The following MICAL2 variants were observed in gnomAD, a reference collection of about 807,000 sequenced individuals.
The protein encoded by MICAL2 is [F-actin]-monooxygenase MICAL2.
Under a neutral mutation model 127.3 loss-of-function variants are expected in MICAL2, and 77 were observed. The observed-to-expected ratio is 0.60, with a 90% CI of 0.50 to 0.73. MICAL2 has a LOEUF of 0.73. Among genes scored for constraint, MICAL2 ranks in the 30% least tolerant of loss-of-function variants. The pLI is 0.00. For missense variants in MICAL2, 1,351 were observed against 1,434.4 expected, an observed-to-expected ratio of 0.94 and a Z score of 0.94; for synonymous variants, 570 against 551.1, an observed-to-expected ratio of 1.03 and a Z score of -0.48.
intron 22 of MICAL2, among the ~76,000 whole-genome samples, chr11:12,249,606 T>C (rs1311640875): frequency 6.6e-6 from 1 of 152,216 alleles, no homozygotes; most frequent in Middle Eastern, 3.2e-3. Flanking sequence ...CCCAAGTGGA[T>C]CCAACAGACC....
intron 3 of MICAL2, among the ~76,000 whole-genome samples, chr11:12,176,580 A>T (rs1856866247): frequency 6.6e-6 from 1 of 152,170 alleles, no homozygotes; most frequent in South Asian, 2.1e-4. Context: ...ATTCATCCCC[A>T]GAACTTTTTT....
chr11:12,227,062 C>T lies in MICAL2; in HGVS notation c.1926C>T (p.Leu642=). 6.2e-7 allele frequency: 1 copy of T among 1,614,162 alleles called. No homozygotes were observed. The highest frequency in any genetic ancestry group is 8.5e-7 in the Non-Finnish European group (1 of 1,179,992). Residue 642 remains leucine, a synonymous_variant, in exon 15 of 28, where the codon CTC becomes CTT. Coordinates refer to ENST00000683283, the MANE Select transcript of MICAL2 (RefSeq NM_001282663.2). ...AAAACTATGGAGAAAATGCTGACCTCAGCTTGGCCAAATCATCCATTTCTA... is the reference window on the plus strand; with the variant it reads ...AAAACTATGGAGAAAATGCTGACCTTAGCTTGGCCAAATCATCCATTTCTA... ...WRKNYGENAD[L]SLAKSSISNN...
downstream of MICAL2, chr11:12,358,500 C>A (rs1939163292): frequency 1.2e-6 from 2 of 1,609,184 alleles, no homozygotes; most frequent in South Asian, 1.1e-5. Context: ...AGTCCCTCTC[C>A]CTGGCTGCAC....
chr11:12,263,147 A>G (rs2134732099), intron 27 of MICAL2: 1 of 152,458 alleles, frequency 6.6e-6, no homozygotes, highest in East Asian at 1.9e-4. Context: ...TGTAGACCCA[A>G]GGGTTTTGCT....
intron 21 of MICAL2, among the ~76,000 whole-genome samples, chr11:12,246,751 T>G (rs2706628): frequency 6.6e-6 from 1 of 152,168 alleles, no homozygotes; most frequent in Non-Finnish European, 1.5e-5. Flanking sequence ...GGACTATAGA[T>G]GTGAATCACC....
intron 22 of MICAL2, among the ~76,000 whole-genome samples, chr11:12,250,427 C>T (rs1861390186): frequency 6.6e-6 from 1 of 152,186 alleles, no homozygotes; most frequent in African/African-American, 2.4e-5. Context: ...CCGCGTGCCT[C>T]CTGCATGGCC....
chr11:12,115,943 T>A (rs1310663216), intron 1 of MICAL2, among the ~76,000 whole-genome samples: 3 of 151,940 alleles, frequency 2.0e-5, no homozygotes, highest in Non-Finnish European at 2.9e-5. Flanking sequence ...ATCCCGACTT[T>A]CTGAAAGTTA....
intron 3 of MICAL2, among the ~76,000 whole-genome samples, chr11:12,170,247 C>T (rs7949249): frequency 0.42 from 63,587 of 151,900 alleles, 14,063 homozygotes; most frequent in African/African-American, 0.56. Flanking sequence ...CCCAGGAATT[C>T]GAGACCAGCC....
intron 17 of MICAL2, among the ~76,000 whole-genome samples, chr11:12,240,259 C>T (rs1015009288): frequency 3.3e-5 from 5 of 152,320 alleles, no homozygotes; most frequent in East Asian, 1.9e-4. Context: ...CTTCTGACTC[C>T]GGCTCCGAGG....
rs74440706 is a variant in MICAL2, at chr11:12,260,978, A to G, written c.3334+1081A>G. 8.1e-3 allele frequency: 7,934 copies of G among 985,460 alleles called. 436 individuals are homozygous for G. The African/African-American group carries it at 0.12, about 14-fold the overall frequency. 61.0% of individuals were successfully genotyped at this position (985,460 alleles called of 1,614,324 possible). On this transcript the variant is annotated intron_variant, in intron 26 of 27. Coordinates refer to ENST00000683283, the MANE Select transcript of MICAL2 (RefSeq NM_001282663.2). ...TTGACCATGGAGCTGATGCAGTGCC[A>G]AAGATGAGCTCTTTCAACTGATGGC...
Position 12,209,503 on chromosome 11 carries a change from G to T in MICAL2, c.596G>T (p.Gly199Val). The T allele has an allele frequency of 6.2e-7, 1 of 1,613,412 alleles. No individual in the cohort carries two copies. Among genetic ancestry groups the T allele is most frequent in the Non-Finnish European group, 8.5e-7 (1 of 1,179,322 alleles). The change falls in exon 6 of 28, where the codon GGC becomes GTC. Residue 199 changes from glycine to valine, a missense_variant. Transcript: ENST00000683283. ...CATTTCTCTGTCCTGGTAGAAATTG[G>T]CTGGCGGGCAGAATTTCTCCCTACA... ...PPEDQENQKI[G>V]WRAEFLPTDH...
rs568872304 is a variant in MICAL2 at position 12,201,763 on chromosome 11, C to A, written c.265-2487C>A. Among the ~76,000 whole-genome samples the A allele has an allele frequency of 2.6e-5, 4 of 152,326 alleles. No homozygotes were observed. In the South Asian group the frequency reaches 8.3e-4, roughly 32 times the overall value. On this transcript the variant is annotated intron_variant, in intron 3 of 27. Transcript: ENST00000683283. ...ACTTGTACAGAATCCTGTTTTGTCA[C>A]TTCTGCCCACATGTCCCAAATGCCA...
chr11:12,221,507 C>CA, intron 9 of MICAL2, 137 bp from the exon 10 acceptor site: 1 of 565,656 alleles, frequency 1.8e-6, no homozygotes, highest in Non-Finnish European at 3.2e-6. Flanking sequence ...TCATAGGTAG[C>CA]AGGGTCCCTG....
At chr11:12,298,960 C>A (rs1484330011) in intron 29 of MICAL2, among the ~76,000 whole-genome samples, 2 of 152,070 alleles carry the variant, frequency 1.3e-5, no homozygotes, top group Non-Finnish European at 2.9e-5. Context: ...GTAATATTGG[C>A]CTACAGTTCA....
chr11:12,172,991 AATAT>A (rs1193721352), intron 3 of MICAL2, among the ~76,000 whole-genome samples: 18 of 152,176 alleles, frequency 1.2e-4, no homozygotes, highest in Non-Finnish European at 2.1e-4. Flanking sequence ...TAGTTATAGA[AATAT>A]ATACTTAAGA....
intron 3 of MICAL2, among the ~76,000 whole-genome samples, chr11:12,168,630 A>G (rs567213271): frequency 9.6e-4 from 146 of 151,768 alleles, no homozygotes; most frequent in Non-Finnish European, 1.6e-3. Context: ...ATATATTTCC[A>G]TATATATTTC....
intron 32 of MICAL2, among the ~76,000 whole-genome samples, chr11:12,328,157 G>A (rs1267748167): frequency 6.6e-6 from 1 of 152,298 alleles, no homozygotes; most frequent in African/African-American, 2.4e-5. Context: ...GAACTCATCT[G>A]GTGAAGACCT....
chr11:12,156,822 C>T (rs926539034), intron 2 of MICAL2, among the ~76,000 whole-genome samples: 2 of 152,250 alleles, frequency 1.3e-5, no homozygotes, highest in Non-Finnish European at 2.9e-5. Context: ...ATGGCCATAA[C>T]TGAAGGTCTT....
intron 2 of MICAL2, among the ~76,000 whole-genome samples, chr11:12,147,290 C>T (rs1305569348): frequency 3.3e-5 from 5 of 152,064 alleles, no homozygotes; most frequent in Admixed American, 6.5e-5. Context: ...GGAAGCAGTT[C>T]CATCCCTCCT....
Sources: gnomAD v4.1 joint callset for allele counts (sites outside exome capture counted in the v4.1 genomes callset) on GRCh38, gnomAD v4.1.1 for gene constraint, MANE v1.5 for transcripts, NCBI Gene and HGNC (gene_info 2026-07-23, HGNC 2026-07-21) for gene names.